Variants in SPATA13 observed in about 807,000 individuals in gnomAD.
SPATA13 encodes spermatogenesis-associated protein 13.
SPATA13 carries 50 observed loss-of-function variants against 104.0 expected under a neutral mutation model. The observed-to-expected ratio is 0.48, with a 90% confidence interval of 0.38 to 0.61. The LOEUF is 0.61. Among genes scored for constraint, SPATA13 ranks in the 20% least tolerant of loss-of-function variants. The pLI is 0.00. For synonymous variants in SPATA13, 606 were observed against 667.5 expected, an observed-to-expected ratio of 0.91 and a Z score of 1.42; for missense variants, 1,524 against 1,690.6, an observed-to-expected ratio of 0.90 and a Z score of 1.73.
intron 1 of SPATA13, among the ~76,000 whole-genome samples, chr13:24,210,680 G>T (rs951119193): frequency 6.6e-5 from 10 of 151,090 alleles, no homozygotes; most frequent in African/African-American, 2.4e-4. Flanking sequence ...TTGAAATCAG[G>T]TAGTGTGATG....
intron 10 of SPATA13, among the ~76,000 whole-genome samples, chr13:24,296,661 C>T (rs1192903677): frequency 3.9e-5 from 6 of 152,184 alleles, no homozygotes; most frequent in African/African-American, 1.4e-4. Context: ...TGCGTGCTCT[C>T]ACTCTTGGAG....
chr13:24,168,047 A>T (rs1882821225), intron 1 of SPATA13, among the ~76,000 whole-genome samples: 2 of 152,178 alleles, frequency 1.3e-5, no homozygotes, highest in African/African-American at 2.4e-5. Context: ...TAATTATTCA[A>T]CTTTTAATAA....
At chr13:24,098,083 C>A (rs4769317) in intron 3 of SPATA13, among the ~76,000 whole-genome samples, 1 of 151,674 alleles carries the variant, frequency 6.6e-6, no homozygotes, top group Non-Finnish European at 1.5e-5. Flanking sequence ...AAGACCAGGC[C>A]CCAGAGAAAA....
At chr13:24,048,668 C>T (rs530728505) in intron 3 of SPATA13, among the ~76,000 whole-genome samples, 1 of 138,954 alleles carries the variant, frequency 7.2e-6, no homozygotes, top group South Asian at 2.6e-4. Context: ...AGTCATCAGT[C>T]TCTGATCAAA....
chr13:23,996,796 G>GC (rs138312195), intron 2 of SPATA13, among the ~76,000 whole-genome samples: 59 of 152,286 alleles, frequency 3.9e-4, no homozygotes, highest in East Asian at 2.7e-3. Context: ...TTGGCTTGTG[G>GC]CCCCTCCTCC....
Position 24,249,813 on chromosome 13 carries a change from A to C in SPATA13, c.1990A>C (p.Thr664Pro), listed in dbSNP as rs746637753. ...GGTCAGCTTGTATGGGACCAACCAGACGGAGGAACTGGACAATCTTCTGAC... is the reference window on the plus strand; with the variant it reads ...GGTCAGCTTGTATGGGACCAACCAGCCGGAGGAACTGGACAATCTTCTGAC... ...GGVSLYGTNQ[T>P]EELDNLLTQP... Residue 664 changes from threonine to proline, a missense_variant, in exon 3 of 13, where the codon ACG (threonine) becomes CCG (proline). Thr to Pro is a conservative substitution (Grantham distance 38). Coordinates refer to ENST00000382108, the MANE Select transcript of SPATA13 (RefSeq NM_001166271.3). The C allele has an allele frequency of 6.2e-7, 1 of 1,610,016 alleles. No individual in the cohort carries two copies. The highest frequency in any genetic ancestry group is 8.5e-7 in the Non-Finnish European group (1 of 1,178,068).
Position 24,222,841 on chromosome 13 carries a change from A to T in SPATA13, c.-89A>T. ...CAGCCCGTGGCCACCCAGGAGCCCG[A>T]TGTGCAAGGCAGGTGTGAGTGCCAG... On this transcript the variant is annotated 5_prime_UTR_variant, in exon 2 of 13. An upstream start codon of the reference 5' UTR is lost. Coordinates refer to ENST00000382108, the MANE Select transcript of SPATA13 (RefSeq NM_001166271.3). 1 of 1,524,780 alleles carries T rather than the reference A, an allele frequency of 6.6e-7. No individual in the cohort carries two copies. The highest frequency in any genetic ancestry group is 8.8e-7 in the Non-Finnish European group (1 of 1,130,452). 94.5% of individuals were successfully genotyped at this position (1,524,780 alleles called of 1,614,324 possible). A position where few individuals can be genotyped will look rare whatever the true frequency, so the allele number is the denominator to read the frequency against.
chr13:24,292,048 GC>G (rs1177656070), intron 9 of SPATA13, among the ~76,000 whole-genome samples: 1 of 152,074 alleles, frequency 6.6e-6, no homozygotes, highest in African/African-American at 2.4e-5. Flanking sequence ...GAGCCACCGC[GC>G]CCGGCCTCTC....
intron 4 of SPATA13, among the ~76,000 whole-genome samples, chr13:24,282,725 C>T (rs927599200): frequency 3.3e-5 from 5 of 152,228 alleles, no homozygotes; most frequent in Non-Finnish European, 5.9e-5. Context: ...GGGACACCAT[C>T]ACCACAGTAG....
At chr13:24,259,283 G>A (rs1398125197) in intron 4 of SPATA13, among the ~76,000 whole-genome samples, 1 of 152,252 alleles carries the variant, frequency 6.6e-6, no homozygotes, top group Admixed American at 6.5e-5. Context: ...CAGGGAGGGG[G>A]CAGAGCAAGG....
intron 3 of SPATA13, among the ~76,000 whole-genome samples, chr13:24,068,437 A>G (rs533336058): frequency 2.0e-5 from 3 of 152,306 alleles, no homozygotes; most frequent in Admixed American, 6.5e-5. Context: ...TGTGCTGAAC[A>G]TACACGTGCT....
intron 2 of SPATA13, among the ~76,000 whole-genome samples, chr13:24,226,129 A>T (rs1871925302): frequency 6.6e-6 from 1 of 152,134 alleles, no homozygotes; most frequent in South Asian, 2.1e-4. Flanking sequence ...AGGCCTGGAA[A>T]AAGCACCATT....
At chr13:24,217,412 A>G (rs979697655) in intron 1 of SPATA13, among the ~76,000 whole-genome samples, 1 of 152,216 alleles carries the variant, frequency 6.6e-6, no homozygotes, top group East Asian at 1.9e-4. Flanking sequence ...CATCTGGCCC[A>G]GATGTTGGGG....
intron 3 of SPATA13, among the ~76,000 whole-genome samples, chr13:24,031,431 T>C (rs967457828): frequency 6.6e-6 from 1 of 152,208 alleles, no homozygotes; most frequent in African/African-American, 2.4e-5. Flanking sequence ...TTTCGGTAAC[T>C]TGTGTCCACT....
chr13:24,127,646 C>G (rs1881265148), intron 3 of SPATA13, among the ~76,000 whole-genome samples: 1 of 152,166 alleles, frequency 6.6e-6, no homozygotes, highest in African/African-American at 2.4e-5. Context: ...TTCTTGAGAA[C>G]AGGCATTTTT....
At chr13:24,234,457 A>G (rs1872462677) in intron 2 of SPATA13, among the ~76,000 whole-genome samples, 1 of 152,096 alleles carries the variant, frequency 6.6e-6, no homozygotes, top group African/African-American at 2.4e-5. Flanking sequence ...TCTCTATAAC[A>G]ATTAAGATCA....
At chr13:23,998,675 A>G (rs1411385006) in intron 2 of SPATA13, among the ~76,000 whole-genome samples, 1 of 152,062 alleles carries the variant, frequency 6.6e-6, no homozygotes, top group East Asian at 1.9e-4. Flanking sequence ...TTTTTCTTCT[A>G]TGTGTTCTTA....
At chr13:24,193,742 C>T (rs951161046) in intron 1 of SPATA13, among the ~76,000 whole-genome samples, 1 of 152,170 alleles carries the variant, frequency 6.6e-6, no homozygotes, top group African/African-American at 2.4e-5. Flanking sequence ...AGGTCTTCTT[C>T]TGGAGGAAGA....
chr13:24,041,364 A>G (rs1877922583), intron 3 of SPATA13, among the ~76,000 whole-genome samples: 1 of 152,246 alleles, frequency 6.6e-6, no homozygotes, highest in Non-Finnish European at 1.5e-5. Flanking sequence ...TTCCCTATTG[A>G]CAAATTTTGA....
Sources: gnomAD v4.1 joint callset for allele counts (sites outside exome capture counted in the v4.1 genomes callset) on GRCh38, gnomAD v4.1.1 for gene constraint, MANE v1.5 for transcripts, NCBI Gene and HGNC (gene_info 2026-07-23, HGNC 2026-07-21) for gene names.